Variants in SAMD11 observed in about 807,000 individuals in gnomAD.
SAMD11 encodes sterile alpha motif domain containing 11.
SAMD11 carries 77 observed loss-of-function variants against 64.4 expected under a neutral mutation model. The ratio of observed to expected loss-of-function variants is 1.20; its 90% CI spans 0.99 to 1.44. The LOEUF is 1.44. Among genes scored for constraint, SAMD11 ranks in the 40% most tolerant of loss-of-function variants. The pLI is 0.00. For missense variants in SAMD11, 1,402 were observed against 943.3 expected (o/e 1.49, Z -6.37); for synonymous variants, 658 against 421.9 (o/e 1.56, Z -6.86).
rs1354342736 is a variant in SAMD11 at position 939,408 on chromosome 1, C to A, written c.1191C>A (p.Ser397Arg). The change falls in exon 7 of 14, where the codon AGC becomes AGA. Residue 397 changes from serine (S) to arginine (R), a missense_variant. Coordinates refer to ENST00000616016, the MANE Select transcript of SAMD11 (RefSeq NM_001385641.1). ...GCCTCTACCACCTGGGCCTCCCCAGCCACGGTGAGGACCCACCCTGGCATG... is the reference window on the plus strand; with the variant it reads ...GCCTCTACCACCTGGGCCTCCCCAGACACGGTGAGGACCCACCCTGGCATG... ...PQRLYHLGLP[S>R]HDLLRVRQEV... The A allele has an allele frequency of 6.9e-7, 1 of 1,442,082 alleles. No homozygotes were observed. The highest frequency in any genetic ancestry group is 1.4e-5 in the African/African-American group (1 of 72,590). The allele number at this position is 1,442,082 out of a possible 1,614,324, so 89.3% of individuals were successfully genotyped here.
chr1:925,290 G>C (rs1395404149), intron 1 of SAMD11: 1 of 152,086 alleles, frequency 6.6e-6, no homozygotes, highest in South Asian at 1.8e-4. Context: ...CCCCGGGTTC[G>C]GGGGAGACTG....
At chr1:935,675 C>T in intron 4 of SAMD11, 97 bp from the exon 5 acceptor site, 1 of 1,525,894 alleles carries the variant, frequency 6.6e-7, no homozygotes. Flanking sequence ...AGGTCATCCC[C>T]ACGCTCACAC....
chr1:927,744 G>T (rs4040604), intron 2 of SAMD11, among the ~76,000 whole-genome samples: 119,516 of 152,254 alleles, frequency 0.78, 51,450 homozygotes, highest in Non-Finnish European at 0.97. Flanking sequence ...AAGAGGAGGT[G>T]CTGTCAGGGG....
chr1:926,111 A>G, intron 2 of SAMD11, 98 bp downstream of exon 2: 10 of 1,192,866 alleles, frequency 8.4e-6, no homozygotes, highest in African/African-American at 1.5e-5. Flanking sequence ...TCCTAACCTC[A>G]CCCCTGCGGG....
chr1:943,964 A>G lies in SAMD11; in HGVS notation c.2346A>G (p.Pro782=), dbSNP rs751058101. The G allele has an allele frequency of 4.7e-5, 75 of 1,612,632 alleles. No homozygotes were observed. Among genetic ancestry groups the G allele is most frequent in the Non-Finnish European group, 5.5e-5 (65 of 1,179,932 alleles). The change falls in exon 14 of 14, where the codon CCA becomes CCG. Residue 782 remains proline (P), a synonymous_variant. Transcript: ENST00000616016. ...FYVASFPVAL[P]LQPPTLRAPE... The stretch of plus-strand genomic sequence containing the variant: ...TGGCCAGCTTCCCCGTGGCTCTGCC[A>G]CTGCAGCCACCAACCCTGCGGGCCC...
intron 5 of SAMD11, among the ~76,000 whole-genome samples, chr1:938,740 C>T (rs1641591197): frequency 6.6e-6 from 1 of 152,214 alleles, no homozygotes; most frequent in Admixed American, 6.5e-5. Context: ...GAGGGGGGCT[C>T]GTTAACTTGC....
At chr1:935,671 T>G in intron 4 of SAMD11, 101 bp from the exon 5 acceptor site, 1 of 1,509,094 alleles carries the variant, frequency 6.6e-7, no homozygotes, top group Non-Finnish European at 9.1e-7. Context: ...TCAGAGGTCA[T>G]CCCCACGCTC....
At chr1:935,448 C>G (rs375379113) in intron 4 of SAMD11, among the ~76,000 whole-genome samples, 1 of 152,154 alleles carries the variant, frequency 6.6e-6, no homozygotes, top group African/African-American at 2.4e-5. Flanking sequence ...CCCTCGACCC[C>G]CTTTGAGGCA....
intron 7 of SAMD11, 199 bp downstream of exon 7, chr1:939,611 C>A: frequency 1.1e-6 from 1 of 890,574 alleles, no homozygotes; most frequent in Non-Finnish European, 1.7e-6. Context: ...CTGGGGCGGG[C>A]CACACCTCCA....
intron 5 of SAMD11, among the ~76,000 whole-genome samples, chr1:937,135 C>T (rs1413410267): frequency 1.3e-5 from 2 of 152,144 alleles, no homozygotes; most frequent in East Asian, 1.9e-4. Flanking sequence ...CTGGCCCGCT[C>T]CCCGGAGCCT....
intron 6 of SAMD11, 33 bp from the exon 7 acceptor site, chr1:939,242 G>A (rs1475372114): frequency 3.8e-6 from 6 of 1,567,698 alleles, no homozygotes; most frequent in Non-Finnish European, 5.2e-6. Flanking sequence ...GCAGTGCCTG[G>A]AGAAACCTCT....
Position 943,822 on chromosome 1 carries a change from G to T in SAMD11, c.2289+14G>T. 1 of 1,612,968 alleles carries T rather than the reference G, an allele frequency of 6.2e-7. No individual in the cohort carries two copies. Among genetic ancestry groups the T allele is most frequent in the Non-Finnish European group, 8.5e-7 (1 of 1,179,984 alleles). ...ATCCGGGCCCAGGTGAGACGCTGGGGAGTGAGGTCAGGGTCTCCAGACCAC... is the reference window on the plus strand; with the variant it reads ...ATCCGGGCCCAGGTGAGACGCTGGGTAGTGAGGTCAGGGTCTCCAGACCAC... On this transcript the variant is annotated intron_variant, in intron 13 of 13. Coordinates refer to ENST00000616016, the MANE Select transcript of SAMD11 (RefSeq NM_001385641.1).
intron 7 of SAMD11, chr1:940,381 C>T (rs1464517210): frequency 6.6e-6 from 1 of 150,700 alleles, no homozygotes; most frequent in African/African-American, 2.4e-5. Flanking sequence ...CTGGGCCCCG[C>T]TGGGATCGAT....
At chr1:926,591 C>T (rs975528628) in intron 2 of SAMD11, among the ~76,000 whole-genome samples, 1 of 152,082 alleles carries the variant, frequency 6.6e-6, no homozygotes, top group African/African-American at 2.4e-5. Flanking sequence ...GAACTGGAGT[C>T]GGAGGCTGGT....
chr1:929,086 A>G (rs377452555), intron 2 of SAMD11, among the ~76,000 whole-genome samples: 15 of 152,236 alleles, frequency 9.9e-5, no homozygotes, highest in African/African-American at 3.6e-4. Flanking sequence ...CCCACTGGAA[A>G]ATAATCAATA....
intron 5 of SAMD11, among the ~76,000 whole-genome samples, chr1:936,162 T>G (rs1641426075): frequency 6.6e-6 from 1 of 152,192 alleles, no homozygotes; most frequent in Non-Finnish European, 1.5e-5. Flanking sequence ...AGGGCAGACG[T>G]AGGCGTGGCC....
chr1:924,310 C>G lies in SAMD11; in HGVS notation c.-122C>G, dbSNP rs71509445. Reference sequence around the variant, plus strand: ...CGGCGGCTGCGGGCGCCGGGGCGCACTAGCGGACGGCGTGGGCGCGCGGCC... The same window carrying G: ...CGGCGGCTGCGGGCGCCGGGGCGCAGTAGCGGACGGCGTGGGCGCGCGGCC... On this transcript the variant is annotated 5_prime_UTR_variant, in exon 1 of 14. Transcript: ENST00000616016. 0.8 allele frequency: 119,074 copies of G among 149,498 alleles called. 51,496 individuals carry two copies. The highest frequency in any genetic ancestry group is 0.98 in the Non-Finnish European group (65,714 of 67,114). 9.3% of individuals were successfully genotyped at this position (149,498 alleles called of 1,614,324 possible).
rs1181498860 is a variant in SAMD11 at position 935,624 on chromosome 1, G to A, written c.843-148G>A. ...TGGGTGTGCACACAGTGGCGTCACG[G>A]GCCACATGCCGAGGCGTGGGCACAG... On this transcript the variant is annotated intron_variant, in intron 4 of 13. Coordinates refer to ENST00000616016, the MANE Select transcript of SAMD11 (RefSeq NM_001385641.1). 4 of 1,084,408 alleles carry A rather than the reference G, an allele frequency of 3.7e-6. No individual in the cohort carries two copies. In the African/African-American group the frequency reaches 4.7e-5, roughly 13 times the overall value. The allele number at this position is 1,084,408 out of a possible 1,614,324, so 67.2% of individuals were successfully genotyped here.
At chr1:927,423 G>A (rs1034756196) in intron 2 of SAMD11, among the ~76,000 whole-genome samples, 6 of 151,956 alleles carry the variant, frequency 3.9e-5, no homozygotes, top group African/African-American at 7.3e-5. Flanking sequence ...TCCCCACCCC[G>A]TGGCCACAGC....
Sources: gnomAD v4.1 joint callset for allele counts (sites outside exome capture counted in the v4.1 genomes callset) on GRCh38, gnomAD v4.1.1 for gene constraint, MANE v1.5 for transcripts, NCBI Gene and HGNC (gene_info 2026-07-23, HGNC 2026-07-21) for gene names.